ZRANB3: variants seen among roughly 807,000 people sequenced by gnomAD.
ZRANB3 encodes the protein DNA annealing helicase and endonuclease ZRANB3.
Under a neutral mutation model 133.8 loss-of-function variants are expected in ZRANB3, and 125 were observed. The ratio of observed to expected loss-of-function variants is 0.93; its 90% CI spans 0.81 to 1.08. The LOEUF is 1.08. ZRANB3 is among the 50% of genes least tolerant of loss of function. The probability of loss-of-function intolerance (pLI) is 0.00; values close to 1 mark genes in which losing one functional copy is unlikely to be tolerated. For missense variants in ZRANB3, 1,229 were observed against 1,275.5 expected (o/e 0.96, Z 0.56); for synonymous variants, 387 against 432.7 (o/e 0.89, Z 1.31).
intron 6 of ZRANB3, among the ~76,000 whole-genome samples, chr2:135,323,055 T>C (rs1198896820): frequency 6.6e-6 from 1 of 151,752 alleles, no homozygotes; most frequent in African/African-American, 2.4e-5. Flanking sequence ...TCCACAAACA[T>C]GGTATACCAC....
intron 2 of ZRANB3, among the ~76,000 whole-genome samples, chr2:135,404,512 G>C (rs958736395): frequency 6.6e-6 from 1 of 152,204 alleles, no homozygotes; most frequent in Non-Finnish European, 1.5e-5. Flanking sequence ...ATGGAACCAA[G>C]TTGGAAAACA....
chr2:135,418,328 A>G (rs1008078856), intron 2 of ZRANB3, among the ~76,000 whole-genome samples: 3 of 152,210 alleles, frequency 2.0e-5, no homozygotes, highest in Admixed American at 1.3e-4. Context: ...CCACTGGAGT[A>G]CTAGAACCAA....
At chr2:135,441,636 A>G (rs1689783564) in intron 2 of ZRANB3, among the ~76,000 whole-genome samples, 2 of 152,106 alleles carry the variant, frequency 1.3e-5, no homozygotes, top group Admixed American at 1.3e-4. Flanking sequence ...ATATACTTGT[A>G]TAATACAATA....
intron 2 of ZRANB3, among the ~76,000 whole-genome samples, chr2:135,424,551 G>A (rs1432939135): frequency 6.6e-6 from 1 of 152,116 alleles, no homozygotes; most frequent in African/African-American, 2.4e-5. Flanking sequence ...TGGCCGATAT[G>A]GTGAAACCCT....
chr2:135,356,459 G>C (rs187612383), intron 3 of ZRANB3, among the ~76,000 whole-genome samples: 340 of 152,092 alleles, frequency 2.2e-3, no homozygotes, highest in African/African-American at 6.0e-3. Flanking sequence ...AGAAGTTTTA[G>C]GTTGACGACA....
chr2:135,425,742 T>G (rs61101053), intron 2 of ZRANB3, among the ~76,000 whole-genome samples: 28,971 of 151,694 alleles, frequency 0.19, 3,695 homozygotes, highest in African/African-American at 0.34. Context: ...CAAAAAGTTA[T>G]AAAGATCTCA....
At chr2:135,477,017 A>T (rs528682211) in intron 2 of ZRANB3, among the ~76,000 whole-genome samples, 1 of 152,164 alleles carries the variant, frequency 6.6e-6, no homozygotes, top group South Asian at 2.1e-4. Context: ...GACCATGCCT[A>T]CCTTCTCTAT....
chr2:135,339,384 AC>A (rs1466276515), intron 6 of ZRANB3, among the ~76,000 whole-genome samples: 1 of 152,034 alleles, frequency 6.6e-6, no homozygotes, highest in Non-Finnish European at 1.5e-5. Context: ...AGCCTGGGTG[AC>A]ACAGCAAGAC....
chr2:135,233,004 GA>G (rs1457232672), intron 12 of ZRANB3, among the ~76,000 whole-genome samples: 5 of 152,122 alleles, frequency 3.3e-5, no homozygotes, highest in African/African-American at 1.2e-4. Flanking sequence ...CGAGCTAAAG[GA>G]GGAAGTTTCA....
chr2:135,217,415 G>T, intron 17 of ZRANB3, 50 bp downstream of exon 17: 1 of 1,502,324 alleles, frequency 6.7e-7, no homozygotes, highest in Non-Finnish European at 8.9e-7. Context: ...CCTGTAGAAA[G>T]AACCATGAAA....
At chr2:135,461,748 C>T (rs1690775549) in intron 2 of ZRANB3, among the ~76,000 whole-genome samples, 1 of 152,134 alleles carries the variant, frequency 6.6e-6, no homozygotes, top group Non-Finnish European at 1.5e-5. Context: ...GATACTAGTT[C>T]TGAAGTCAAA....
At chr2:135,284,495 G>A (rs563456367) in intron 8 of ZRANB3, among the ~76,000 whole-genome samples, 120 of 152,188 alleles carry the variant, frequency 7.9e-4, no homozygotes, top group African/African-American at 2.6e-3. Context: ...CTTTTGAGAC[G>A]GAGTCTCGCT....
intron 6 of ZRANB3, among the ~76,000 whole-genome samples, chr2:135,316,705 C>T (rs538307319): frequency 5.3e-5 from 8 of 152,134 alleles, no homozygotes; most frequent in East Asian, 1.9e-4. Flanking sequence ...CGGTGGCTCA[C>T]GCCCGTAATC....
chr2:135,520,247 C>T (rs1404740766), intron 1 of ZRANB3, among the ~76,000 whole-genome samples: 3 of 151,496 alleles, frequency 2.0e-5, no homozygotes, highest in African/African-American at 7.3e-5. Context: ...AATAATTAGC[C>T]GGGCATGGTG....
chr2:135,444,923 A>G (rs1476592805), intron 2 of ZRANB3, among the ~76,000 whole-genome samples: 3 of 152,178 alleles, frequency 2.0e-5, no homozygotes, highest in Admixed American at 2.0e-4. Context: ...GAAATGAGCA[A>G]TGATCACTGG....
chr2:135,474,509 T>C (rs1265826008), intron 2 of ZRANB3, among the ~76,000 whole-genome samples: 1 of 152,106 alleles, frequency 6.6e-6, no homozygotes, highest in Non-Finnish European at 1.5e-5. Context: ...CCATGAAATC[T>C]GATCATTCAA....
chr2:135,329,026 GAT>G (rs1683994378), intron 6 of ZRANB3, among the ~76,000 whole-genome samples: 1 of 152,168 alleles, frequency 6.6e-6, no homozygotes, highest in South Asian at 2.1e-4. Context: ...TCACTCTGAT[GAT>G]AGTTTCTTTT....
At chr2:135,345,398 G>T in intron 6 of ZRANB3, 152 bp downstream of exon 6, 1 of 554,374 alleles carries the variant, frequency 1.8e-6, no homozygotes. Flanking sequence ...AACCCAGGAG[G>T]CAGAGATTGT....
chr2:135,391,995 T>G (rs16831593), intron 2 of ZRANB3, among the ~76,000 whole-genome samples: 15,847 of 152,138 alleles, frequency 0.1, 1,095 homozygotes, highest in South Asian at 0.32. Context: ...AACTCAAGTA[T>G]TAAGTAGCAG....
Sources: allele counts gnomAD v4.1 joint callset (sites outside exome capture counted in the v4.1 genomes callset), GRCh38; gene constraint gnomAD v4.1.1; transcripts MANE v1.5; gene names NCBI Gene and HGNC (gene_info 2026-07-23, HGNC 2026-07-21).